PRH1: variants seen among roughly 807,000 people sequenced by gnomAD.
PRH1 encodes proline rich protein HaeIII subfamily 1.
A neutral mutation model predicts 7.9 loss-of-function variants in PRH1; 7 were observed. That is an observed-to-expected ratio of 0.89 (90% CI 0.50 to 1.67). PRH1 has a LOEUF of 1.67. Among genes scored for constraint, PRH1 ranks in the 40% most tolerant of loss-of-function variants. PRH1 has a pLI of 0.00. For missense variants in PRH1, 109 were observed against 223.6 expected, an observed-to-expected ratio of 0.49 and a Z score of 3.27; for synonymous variants, 45 against 80.8, an observed-to-expected ratio of 0.56 and a Z score of 2.38.
intron 1 of PRH1, chr12:10,996,693 A>T (rs1208661132): frequency 2.1e-5 from 6 of 285,882 alleles, no homozygotes; most frequent in Non-Finnish European, 3.8e-5. Context: ...AACAGTTTAT[A>T]TGAAAAGTTG....
At chr12:11,164,278 G>A (rs560878386) in intron 1 of PRH1, among the ~76,000 whole-genome samples, 57 of 152,252 alleles carry the variant, frequency 3.7e-4, no homozygotes, top group African/African-American at 1.3e-3. Flanking sequence ...GCTGGAGGAA[G>A]GGCAAATATA....
intron 1 of PRH1, among the ~76,000 whole-genome samples, chr12:11,040,387 T>C (rs1942657913): frequency 1.3e-5 from 2 of 152,238 alleles, no homozygotes; most frequent in Admixed American, 1.3e-4. Context: ...TATAATCATC[T>C]GTTCATGATG....
At chr12:10,981,023 A>C (rs1939326336) in intron 1 of PRH1, among the ~76,000 whole-genome samples, 1 of 152,148 alleles carries the variant, frequency 6.6e-6, no homozygotes, top group Non-Finnish European at 1.5e-5. Context: ...AAGAGTTGAA[A>C]AAGCTGATTC....
intron 2 of PRH1, among the ~76,000 whole-genome samples, chr12:10,933,476 A>G (rs1950242596): frequency 6.6e-6 from 1 of 152,038 alleles, no homozygotes; most frequent in Non-Finnish European, 1.5e-5. Flanking sequence ...AATAACTATA[A>G]ATCTCACTTT....
intron 1 of PRH1, among the ~76,000 whole-genome samples, chr12:11,154,082 T>G (rs1271548678): frequency 6.6e-6 from 1 of 152,184 alleles, no homozygotes; most frequent in Admixed American, 6.5e-5. Context: ...TTCAACATAC[T>G]CAATACTGGA....
intron 2 of PRH1, among the ~76,000 whole-genome samples, chr12:10,915,462 A>C (rs1949961044): frequency 2.2e-5 from 1 of 45,288 alleles, no homozygotes; most frequent in Non-Finnish European, 7.9e-5. Flanking sequence ...TGTGAAGCTG[A>C]CAGGAATTAA....
At chr12:11,086,655 T>C (rs1944712070) in intron 1 of PRH1, among the ~76,000 whole-genome samples, 1 of 142,832 alleles carries the variant, frequency 7.0e-6, no homozygotes, top group African/African-American at 2.5e-5. Context: ...GGCTCAGGCC[T>C]GTAATCCCAG....
At chr12:10,972,740 T>C (rs974587501) in intron 2 of PRH1, among the ~76,000 whole-genome samples, 2 of 152,216 alleles carry the variant, frequency 1.3e-5, no homozygotes, top group Non-Finnish European at 2.9e-5. Context: ...ACTAGAATCA[T>C]GGCCAAAGTG....
intron 1 of PRH1, among the ~76,000 whole-genome samples, chr12:11,114,244 TG>T (rs950243333): frequency 2.0e-5 from 3 of 152,136 alleles, no homozygotes; most frequent in Admixed American, 6.6e-5. Flanking sequence ...AGCAAAGACC[TG>T]GGACCAACCC....
chr12:10,964,839 T>C (rs1259602258), intron 2 of PRH1: 1 of 547,644 alleles, frequency 1.8e-6, no homozygotes, highest in Non-Finnish European at 3.4e-6. Context: ...GAAAGGTGCG[T>C]CGGATCACTC....
intron 1 of PRH1, chr12:11,031,352 A>C (rs1942206264): frequency 3.7e-6 from 6 of 1,608,272 alleles, no homozygotes; most frequent in Non-Finnish European, 5.1e-6. Flanking sequence ...ACAGACAAAA[A>C]AAAATTGTTT....
chr12:11,136,628 A>C (rs1301231043), intron 1 of PRH1, among the ~76,000 whole-genome samples: 1 of 152,172 alleles, frequency 6.6e-6, no homozygotes, highest in Non-Finnish European at 1.5e-5. Context: ...AATCACCCTC[A>C]AGACATTATT....
chr12:10,935,116 T>A (rs1950268263), intron 2 of PRH1, among the ~76,000 whole-genome samples: 1 of 152,160 alleles, frequency 6.6e-6, no homozygotes, highest in Admixed American at 6.5e-5. Context: ...TCCTGAATGC[T>A]GAGTGCTGAT....
At chr12:10,891,377 A>G (rs1949571534) in intron 2 of PRH1, 1 of 152,202 alleles carries the variant, frequency 6.6e-6, no homozygotes, top group Non-Finnish European at 1.5e-5. Context: ...TAAATCTAAA[A>G]GTGTCATTTG....
At chr12:11,147,565 T>C (rs1946904280) in intron 1 of PRH1, among the ~76,000 whole-genome samples, 1 of 152,238 alleles carries the variant, frequency 6.6e-6, no homozygotes, top group Non-Finnish European at 1.5e-5. Context: ...CGATGTTATA[T>C]GAAGAACCTT....
intron 1 of PRH1, chr12:10,986,155 A>T: frequency 6.2e-7 from 1 of 1,614,120 alleles, no homozygotes; most frequent in Non-Finnish European, 8.5e-7. Flanking sequence ...GCACATAACA[A>T]GAGGAAGGAG....
At chr12:10,912,253 A>T (rs1272964925) in intron 2 of PRH1, among the ~76,000 whole-genome samples, 1 of 152,162 alleles carries the variant, frequency 6.6e-6, no homozygotes, top group East Asian at 1.9e-4. Flanking sequence ...TTAACATGTA[A>T]CTTATTATTG....
At chr12:11,138,278 G>T (rs77038897) in intron 1 of PRH1, among the ~76,000 whole-genome samples, 1 of 151,994 alleles carries the variant, frequency 6.6e-6, no homozygotes, top group Non-Finnish European at 1.5e-5. Context: ...CTTAGCTATG[G>T]TGACTAAATC....
chr12:11,003,373 G>GT, intron 1 of PRH1, among the ~76,000 whole-genome samples: 1 of 151,336 alleles, frequency 6.6e-6, no homozygotes, highest in Middle Eastern at 3.4e-3. Context: ...AAAAAAGAAT[G>GT]TAACATTAAC....
Sources: gnomAD v4.1 joint callset for allele counts (sites outside exome capture counted in the v4.1 genomes callset) on GRCh38, gnomAD v4.1.1 for gene constraint, MANE v1.5 for transcripts, NCBI Gene and HGNC (gene_info 2026-07-23, HGNC 2026-07-21) for gene names.